The following TCN2 variants were observed in gnomAD, a reference collection of about 807,000 sequenced individuals.
TCN2 encodes transcobalamin-2.
A neutral mutation model predicts 48.6 loss-of-function variants in TCN2; 34 were observed. The ratio of observed to expected loss-of-function variants is 0.70; its 90% CI spans 0.53 to 0.93. TCN2 has a LOEUF of 0.93. Ranked by LOEUF, TCN2 falls within the 40% of genes least tolerant of loss-of-function variation. The probability of loss-of-function intolerance (pLI) is 0.00; values close to 1 mark genes in which losing one functional copy is unlikely to be tolerated. For synonymous variants in TCN2, 283 were observed against 212.5 expected, an observed-to-expected ratio of 1.33 and a Z score of -2.89; for missense variants, 652 against 526.1, an observed-to-expected ratio of 1.24 and a Z score of -2.34.
intron 1 of TCN2, 141 bp downstream of exon 1, chr22:30,607,536 TC>T (rs745888447): frequency 1.3e-6 from 1 of 768,502 alleles, no homozygotes; most frequent in Non-Finnish European, 2.1e-6. Flanking sequence ...ATTTAACACA[TC>T]CTATTGTGAT....
chr22:30,623,311 A>C (rs1235218955), intron 8 of TCN2: 6 of 528,734 alleles, frequency 1.1e-5, no homozygotes, highest in South Asian at 6.7e-5. Flanking sequence ...AAAAAAAAAA[A>C]CTAGAAGAAA....
intron 1 of TCN2, among the ~76,000 whole-genome samples, 173 bp downstream of exon 1, chr22:30,607,568 C>T (rs897834255): frequency 6.6e-6 from 1 of 152,196 alleles, no homozygotes; most frequent in Non-Finnish European, 1.5e-5. Context: ...TTTGACTCCT[C>T]ACCAGACAAG....
chr22:30,623,695 A>G (rs2087733212), intron 8 of TCN2, among the ~76,000 whole-genome samples: 1 of 112,918 alleles, frequency 8.9e-6, no homozygotes, highest in Non-Finnish European at 2.0e-5. Flanking sequence ...ATACATATAT[A>G]TGAAATATAT....
In TCN2 at chr22:30,617,369, A is replaced by G. The variant is rs1196409692; in HGVS notation, c.980A>G (p.Gln327Arg). 6.2e-7 allele frequency: 1 copy of G among 1,614,148 alleles called. No individual in the cohort carries two copies. Among genetic ancestry groups the G allele is most frequent in the Non-Finnish European group, 8.5e-7 (1 of 1,180,036 alleles). ...GCTGCTGAGACCATTCCTCAGACCC[A>G]AGAGATCATCAGTGTCACGCTGCAG... ...EPAAETIPQT[Q>R]EIISVTLQVL... The change falls in exon 7 of 9, where the codon CAA becomes CGA. Residue 327 changes from glutamine to arginine, a missense_variant. Physicochemically the swap from Gln to Arg is conservative, Grantham distance 43. Coordinates refer to ENST00000215838, the MANE Select transcript of TCN2 (RefSeq NM_000355.4).
intron 3 of TCN2, among the ~76,000 whole-genome samples, 159 bp from the exon 4 acceptor site, chr22:30,614,190 G>A (rs1364011746): frequency 1.3e-5 from 2 of 152,212 alleles, no homozygotes; most frequent in African/African-American, 4.8e-5. Flanking sequence ...CTGACACACA[G>A]TGAGACCTCA....
intron 6 of TCN2, 152 bp downstream of exon 6, chr22:30,615,939 C>T (rs953476432): frequency 1.1e-6 from 1 of 882,174 alleles, no homozygotes; most frequent in African/African-American, 1.7e-5. Context: ...GTGGTCATAG[C>T]TTCTAGAAGC....
At position 30,626,644 on chromosome 22, in the gene TCN2, C is replaced by G. The variant is rs1569048941; in HGVS notation, c.*123C>G. On this transcript the variant is annotated 3_prime_UTR_variant, in exon 9 of 9. Coordinates refer to ENST00000215838, the MANE Select transcript of TCN2 (RefSeq NM_000355.4). ...CACCTCCTGTGCACTTTGAGCAATG[C>G]CCCCTGGGATCACCCCAGCCACAAG... 5 of 1,098,280 alleles carry G rather than the reference C, an allele frequency of 4.6e-6. No homozygotes were observed. Among genetic ancestry groups the G allele is most frequent in the African/African-American group, 1.6e-5 (1 of 64,506 alleles). The allele number at this position is 1,098,280 out of a possible 1,614,324, so 68.0% of individuals were successfully genotyped here.
In TCN2 at chr22:30,607,298, A is replaced by G. The variant is rs199511962; in HGVS notation, c.-34A>G. The G allele has an allele frequency of 1.3e-4, 206 of 1,613,806 alleles. 4 individuals are homozygous for G. The Middle Eastern group carries it at 2.1e-3, about 17-fold the overall frequency. On this transcript the variant is annotated 5_prime_UTR_variant, in exon 1 of 9. Transcript: ENST00000215838. Reference sequence around the variant, plus strand: ...GGGCCAGCCCCAGGAGTCTTTCCCGATTCTTGCTCACTGCTCACCCACCTG... The same window carrying G: ...GGGCCAGCCCCAGGAGTCTTTCCCGGTTCTTGCTCACTGCTCACCCACCTG...
At chr22:30,622,246 C>A (rs901678714) in intron 7 of TCN2, among the ~76,000 whole-genome samples, 2 of 152,194 alleles carry the variant, frequency 1.3e-5, no homozygotes, top group Non-Finnish European at 2.9e-5. Flanking sequence ...CTTGGCCTCC[C>A]AAAGTACTGG....
intron 8 of TCN2, among the ~76,000 whole-genome samples, chr22:30,624,198 C>G (rs911457976): frequency 4.0e-5 from 6 of 151,460 alleles, no homozygotes; most frequent in African/African-American, 1.5e-4. Context: ...CCTCAGCCTC[C>G]CAAGTAGCTG....
rs1316621531 is a variant in TCN2, at chr22:30,624,076, A to G, written c.1222+993A>G. On this transcript the variant is annotated intron_variant, in intron 8 of 8. Transcript: ENST00000215838. ...CACACACACACATATATATATATAT[A>G]TATATTTTTTTTTTTTGAGATGGAG... is the stretch of plus-strand genomic sequence containing the variant. Among the ~76,000 whole-genome samples the G allele has an allele frequency of 3.1e-5, 3 of 97,750 alleles. No homozygotes were observed. In the East Asian group the frequency reaches 7.8e-4, roughly 26 times the overall value. The allele number at this position is 97,750 out of a possible 152,430, so 64.1% of individuals were successfully genotyped here. A position where few individuals can be genotyped will look rare whatever the true frequency, so the allele number is the denominator to read the frequency against.
At position 30,626,810 on chromosome 22, in the gene TCN2, G is replaced by A. The variant is rs1031011000; in HGVS notation, c.*289G>A. The A allele has an allele frequency of 3.9e-5, 21 of 543,476 alleles. No individual in the cohort carries two copies. The highest frequency in any genetic ancestry group is 1.0e-3 in the Middle Eastern group (2 of 1,984). 33.7% of individuals were successfully genotyped at this position (543,476 alleles called of 1,614,324 possible). On this transcript the variant is annotated 3_prime_UTR_variant, in exon 9 of 9. Transcript: ENST00000215838. ...CACCCCATGGTCTGATGGGCATGAA[G>A]CATCTCAGACTCCTTGGCAAAAAAC...
chr22:30,610,802 TA>T, intron 1 of TCN2, 68 bp from the exon 2 acceptor site: 1 of 1,558,020 alleles, frequency 6.4e-7, no homozygotes. Context: ...AAGGCCCTGG[TA>T]ACGTCAAAGC....
At chr22:30,623,227 T>G in intron 8 of TCN2, 144 bp downstream of exon 8, 1 of 708,734 alleles carries the variant, frequency 1.4e-6, no homozygotes, top group South Asian at 1.7e-5. Context: ...TTGGATATAA[T>G]ATATTGAACT....
intron 7 of TCN2, 22 bp from the exon 8 acceptor site, chr22:30,622,946 C>T (rs1437075731): frequency 5.0e-6 from 8 of 1,611,776 alleles, no homozygotes; most frequent in Non-Finnish European, 6.8e-6. Context: ...CTTCTCTCCC[C>T]ATTTGCCTTT....
chr22:30,624,932 T>C (rs2087781833), intron 8 of TCN2, among the ~76,000 whole-genome samples: 1 of 152,108 alleles, frequency 6.6e-6, no homozygotes, highest in Admixed American at 6.6e-5. Context: ...ACAGCAGAAA[T>C]GAGGCCGGGT....
chr22:30,609,571 A>G (rs958447316), intron 1 of TCN2, among the ~76,000 whole-genome samples: 3 of 117,726 alleles, frequency 2.5e-5, no homozygotes, highest in African/African-American at 1.0e-4. Flanking sequence ...GAAAAGGGAA[A>G]AGGAAAGAGA....
chr22:30,613,501 ACTC>A (rs1200777212), intron 3 of TCN2, among the ~76,000 whole-genome samples: 2 of 151,878 alleles, frequency 1.3e-5, no homozygotes, highest in African/African-American at 4.8e-5. Context: ...CTGGTCTCGA[ACTC>A]CTGACCTCAG....
At chr22:30,623,805 C>CATATATACACACACATATGTAT (rs2087743010) in intron 8 of TCN2, among the ~76,000 whole-genome samples, 1 of 27,398 alleles carries the variant, frequency 3.6e-5, no homozygotes, top group Non-Finnish European at 5.6e-5. Flanking sequence ...TACACACATA[C>CATATATACACACACATATGTAT]ACATATATAC....
Sources: allele counts gnomAD v4.1 joint callset (sites outside exome capture counted in the v4.1 genomes callset), GRCh38; gene constraint gnomAD v4.1.1; transcripts MANE v1.5; gene names NCBI Gene and HGNC (gene_info 2026-07-23, HGNC 2026-07-21).